The following NRXN1 variants were observed in gnomAD, a reference collection of about 807,000 sequenced individuals.
NRXN1 encodes neurexin-1.
NRXN1 carries 39 observed loss-of-function variants against 150.9 expected under a neutral mutation model. The ratio of observed to expected loss-of-function variants is 0.26; its 90% confidence interval spans 0.20 to 0.34. The LOEUF (loss-of-function observed/expected upper bound fraction) is 0.34. Ranked by LOEUF, NRXN1 falls within the 10% of genes least tolerant of loss-of-function variation. NRXN1 has a pLI of 1.00. For missense variants in NRXN1, 1,815 were observed against 1,949.9 expected, an observed-to-expected ratio of 0.93 and a Z score of 1.30; for synonymous variants, 924 against 757.0, an observed-to-expected ratio of 1.22 and a Z score of -3.62.
chr2:50,328,218 GT>G (rs1178710434), intron 17 of NRXN1, among the ~76,000 whole-genome samples: 14 of 146,142 alleles, frequency 9.6e-5, no homozygotes, highest in South Asian at 2.2e-4. Context: ...AATTTTTTTT[GT>G]TTTTTTTTTA....
chr2:50,479,862 C>CTCCTG (rs780398901), intron 15 of NRXN1, among the ~76,000 whole-genome samples: 1 of 150,370 alleles, frequency 6.7e-6, no homozygotes, highest in Non-Finnish European at 1.5e-5. Context: ...CAACCTCCGC[C>CTCCTG]TCCTGGGTTC....
intron 5 of NRXN1, among the ~76,000 whole-genome samples, chr2:50,766,161 T>C (rs1377417038): frequency 2.6e-5 from 4 of 151,978 alleles, no homozygotes; most frequent in Non-Finnish European, 2.9e-5. Context: ...CCAAGTAGCA[T>C]AGAAATCAGG....
chr2:50,123,898 A>T (rs1704209629), intron 18 of NRXN1, among the ~76,000 whole-genome samples: 1 of 152,174 alleles, frequency 6.6e-6, no homozygotes, highest in African/African-American at 2.4e-5. Context: ...GACAACCAAA[A>T]TTTGTATAAA....
chr2:50,872,254 C>T (rs953341908), intron 5 of NRXN1, among the ~76,000 whole-genome samples: 1 of 151,688 alleles, frequency 6.6e-6, no homozygotes, highest in Non-Finnish European at 1.5e-5. Flanking sequence ...AGATGTGAGA[C>T]CAAAAGATGA....
intron 5 of NRXN1, among the ~76,000 whole-genome samples, chr2:50,699,300 A>G: frequency 6.6e-6 from 1 of 152,172 alleles, no homozygotes; most frequent in Non-Finnish European, 1.5e-5. Flanking sequence ...CCTCACCACC[A>G]CCAGCAAAGA....
chr2:50,075,422 A>G (rs1182149719), intron 19 of NRXN1, among the ~76,000 whole-genome samples: 2 of 152,242 alleles, frequency 1.3e-5, no homozygotes, highest in Non-Finnish European at 2.9e-5. Context: ...TTAGATCATT[A>G]AAATAATGTC....
intron 5 of NRXN1, among the ~76,000 whole-genome samples, chr2:50,840,454 C>T (rs1672706291): frequency 6.6e-6 from 1 of 152,098 alleles, no homozygotes; most frequent in African/African-American, 2.4e-5. Context: ...AGACGAACAT[C>T]TTTATAGAGG....
rs1485217199 is a variant in NRXN1, at chr2:50,763,801, T to C, written c.833-140186A>G. Among the ~76,000 whole-genome samples the C allele has an allele frequency of 3.3e-5, 5 of 152,056 alleles. No homozygotes were observed. In the East Asian group the frequency reaches 9.7e-4, roughly 30 times the overall value. ...AGCCTGTAACAGCTAGTGATCTGCC[T>C]CCCCTGCTGTTGCCTCCACCGAATA... is the stretch of plus-strand genomic sequence containing the variant. On this transcript the variant is annotated intron_variant, in intron 5 of 22. Coordinates refer to ENST00000401669, the MANE Select transcript of NRXN1 (RefSeq NM_001330078.2).
At chr2:50,829,669 G>A in intron 5 of NRXN1, 2 of 1,611,606 alleles carry the variant, frequency 1.2e-6, no homozygotes, top group Non-Finnish European at 1.7e-6. Context: ...ATCATAACAG[G>A]CTGACACAGC....
At chr2:51,023,769 C>T (rs189535527) in intron 2 of NRXN1, among the ~76,000 whole-genome samples, 2 of 152,100 alleles carry the variant, frequency 1.3e-5, no homozygotes, top group Non-Finnish European at 2.9e-5. Flanking sequence ...AATTAATAAA[C>T]AAATGAATGA....
intron 17 of NRXN1, among the ~76,000 whole-genome samples, chr2:50,354,117 C>T (rs1435494757): frequency 6.6e-6 from 1 of 152,114 alleles, no homozygotes; most frequent in Non-Finnish European, 1.5e-5. Flanking sequence ...GTTCCCTAAG[C>T]ATAGATCATA....
intron 8 of NRXN1, among the ~76,000 whole-genome samples, chr2:50,563,128 A>G (rs1194490063): frequency 6.6e-6 from 1 of 152,186 alleles, no homozygotes; most frequent in Non-Finnish European, 1.5e-5. Flanking sequence ...TGTATTGACA[A>G]AATAAATATA....
intron 5 of NRXN1, among the ~76,000 whole-genome samples, chr2:50,850,855 A>T (rs1285439109): frequency 6.6e-6 from 1 of 152,186 alleles, no homozygotes; most frequent in Non-Finnish European, 1.5e-5. Context: ...GAAAGACAAG[A>T]ACTTTCCTAG....
intron 21 of NRXN1, among the ~76,000 whole-genome samples, chr2:50,005,250 C>A (rs1277395492): frequency 6.6e-6 from 1 of 151,908 alleles, no homozygotes; most frequent in Non-Finnish European, 1.5e-5. Flanking sequence ...TAGGAAGGGA[C>A]CAAAATGTTA....
chr2:50,264,800 G>T (rs2152916957), intron 17 of NRXN1, among the ~76,000 whole-genome samples: 1 of 152,136 alleles, frequency 6.6e-6, no homozygotes, highest in South Asian at 2.1e-4. Context: ...CTAGGCCTCT[G>T]TCTCTTGGAG....
chr2:49,964,464 C>G (rs1447757900), intron 21 of NRXN1, among the ~76,000 whole-genome samples: 2 of 151,772 alleles, frequency 1.3e-5, no homozygotes, highest in East Asian at 3.9e-4. Context: ...CCTGTAATGC[C>G]AGCTACTCGG....
intron 18 of NRXN1, among the ~76,000 whole-genome samples, chr2:50,137,285 C>T (rs1454511102): frequency 2.6e-5 from 4 of 152,210 alleles, no homozygotes; most frequent in Non-Finnish European, 4.4e-5. Context: ...ACCAGTGATG[C>T]AAATGGTGTT....
chr2:50,879,148 C>T (rs576399826), intron 5 of NRXN1, among the ~76,000 whole-genome samples: 1 of 151,906 alleles, frequency 6.6e-6, no homozygotes, highest in South Asian at 2.1e-4. Flanking sequence ...ACCTTGAGAC[C>T]GAAGACAGGT....
chr2:50,396,509 T>C (rs2082059795), intron 17 of NRXN1, among the ~76,000 whole-genome samples: 2 of 152,164 alleles, frequency 1.3e-5, no homozygotes, highest in Admixed American at 6.5e-5. Flanking sequence ...GTAGTGAATT[T>C]TTTGTTATCA....
Sources: allele counts gnomAD v4.1 joint callset (sites outside exome capture counted in the v4.1 genomes callset), GRCh38; gene constraint gnomAD v4.1.1; transcripts MANE v1.5; gene names NCBI Gene and HGNC (gene_info 2026-07-23, HGNC 2026-07-21).